The following SCAMP1 variants were observed in gnomAD, a reference collection of about 807,000 sequenced individuals.
SCAMP1 encodes secretory carrier membrane protein 1, also known as secretory carrier-associated membrane protein 1.
In SCAMP1, 15 loss-of-function variants were observed where a neutral mutation model predicts 41.8. The ratio of observed to expected loss-of-function variants is 0.36; its 90% CI spans 0.24 to 0.55. The LOEUF (loss-of-function observed/expected upper bound fraction) is 0.55. Ranked by LOEUF, SCAMP1 falls within the 20% of genes least tolerant of loss-of-function variation. The pLI is 0.86. For synonymous variants in SCAMP1, 135 were observed against 136.8 expected (o/e 0.99, Z 0.09); for missense variants, 341 against 412.6 (o/e 0.83, Z 1.50).
chr5:78,374,117 A>G (rs1360609496), intron 1 of SCAMP1, among the ~76,000 whole-genome samples: 1 of 152,138 alleles, frequency 6.6e-6, no homozygotes, highest in Non-Finnish European at 1.5e-5. Context: ...CAAGATAAAG[A>G]GAATTTTCTG....
At chr5:78,368,707 A>C (rs900034079) in intron 1 of SCAMP1, among the ~76,000 whole-genome samples, 1 of 152,174 alleles carries the variant, frequency 6.6e-6, no homozygotes, top group African/African-American at 2.4e-5. Flanking sequence ...ACTGGAATCA[A>C]GTTCTAGGAA....
At chr5:78,369,337 C>G (rs1255091877) in intron 1 of SCAMP1, among the ~76,000 whole-genome samples, 1 of 152,104 alleles carries the variant, frequency 6.6e-6, no homozygotes, top group Non-Finnish European at 1.5e-5. Context: ...CAACTCCTGA[C>G]CTCAGGTGAT....
intron 6 of SCAMP1, among the ~76,000 whole-genome samples, chr5:78,430,015 C>A (rs566681048): frequency 1.3e-5 from 2 of 149,526 alleles, no homozygotes; most frequent in African/African-American, 4.9e-5. Flanking sequence ...ATTTGGAGTT[C>A]TTTATTTATT....
At chr5:78,465,717 TG>T (rs1753728177) in intron 8 of SCAMP1, among the ~76,000 whole-genome samples, 3 of 152,348 alleles carry the variant, frequency 2.0e-5, no homozygotes, top group Admixed American at 1.3e-4. Flanking sequence ...TCAGTCAGCA[TG>T]CTATCAGAAA....
chr5:78,363,445 G>A (rs1420456012), intron 1 of SCAMP1, among the ~76,000 whole-genome samples: 1 of 152,080 alleles, frequency 6.6e-6, no homozygotes, highest in African/African-American at 2.4e-5. Flanking sequence ...TCCTGACCTC[G>A]TGATCTACCC....
chr5:78,460,617 T>A (rs1440882101), intron 8 of SCAMP1, among the ~76,000 whole-genome samples: 1 of 151,920 alleles, frequency 6.6e-6, no homozygotes, highest in Non-Finnish European at 1.5e-5. Flanking sequence ...TTGATTTGTT[T>A]AAGTCCTTTA....
At chr5:78,450,346 T>A (rs529521722) in intron 7 of SCAMP1, among the ~76,000 whole-genome samples, 4 of 152,162 alleles carry the variant, frequency 2.6e-5, no homozygotes, top group Admixed American at 6.5e-5. Flanking sequence ...CCAAGGAATG[T>A]GGAAGGGACA....
intron 1 of SCAMP1, among the ~76,000 whole-genome samples, chr5:78,371,010 G>C (rs898953053): frequency 9.7e-5 from 14 of 144,596 alleles, no homozygotes; most frequent in Non-Finnish European, 2.0e-4. Context: ...TTCTTAGATT[G>C]GGTTATTTGT....
At position 78,428,021 on chromosome 5, in the gene SCAMP1, A is replaced by C. The variant is rs561772542; in HGVS notation, c.632+6061A>C. Among the ~76,000 whole-genome samples the C allele has an allele frequency of 2.9e-3, 443 of 152,266 alleles. 1 individual carries two copies. Among genetic ancestry groups the C allele is most frequent in the Non-Finnish European group, 5.0e-3 (339 of 68,004 alleles). ...TGTGTGGCTTCTTAGTGGTGCCTTA[A>C]GAAGCACAAAAACATTCAATTTTAA... On this transcript the variant is annotated intron_variant, in intron 6 of 8. Transcript: ENST00000621999.
At chr5:78,415,694 A>G (rs1186896643) in intron 3 of SCAMP1, 76 bp downstream of exon 3, 1 of 892,052 alleles carries the variant, frequency 1.1e-6, no homozygotes, top group Admixed American at 2.4e-5. Flanking sequence ...AGCAAAATAA[A>G]TCTTTATATG....
At chr5:78,433,388 A>T (rs1041805316) in intron 6 of SCAMP1, among the ~76,000 whole-genome samples, 1 of 152,104 alleles carries the variant, frequency 6.6e-6, no homozygotes, top group Non-Finnish European at 1.5e-5. Context: ...GTGAGATGGG[A>T]TAGCAAATCC....
Position 78,415,565 on chromosome 5 carries a change from C to T in SCAMP1, c.181C>T (p.Pro61Ser). ...GATGCCTAATGTACCCAATACACAA[C>T]CAGCAATAATGAAACCAACAGAGGA... is the stretch of plus-strand genomic sequence containing the variant. ...VKMPNVPNTQ[P>S]AIMKPTEEHP... The change falls in exon 3 of 9, where the codon CCA becomes TCA. Residue 61 changes from proline (P) to serine (S), a missense_variant. Pro to Ser is a moderately conservative substitution (Grantham distance 74). Transcript: ENST00000621999. The T allele has an allele frequency of 6.2e-7, 1 of 1,608,346 alleles. No homozygotes were observed. Among genetic ancestry groups the T allele is most frequent in the Non-Finnish European group, 8.5e-7 (1 of 1,177,308 alleles).
intron 1 of SCAMP1, among the ~76,000 whole-genome samples, chr5:78,373,128 C>T (rs1279837124): frequency 6.6e-6 from 1 of 152,116 alleles, no homozygotes; most frequent in Non-Finnish European, 1.5e-5. Flanking sequence ...ATACAAACCT[C>T]TGCAAATTTC....
intron 2 of SCAMP1, among the ~76,000 whole-genome samples, chr5:78,391,065 C>T (rs1371914061): frequency 6.7e-6 from 1 of 150,194 alleles, no homozygotes; most frequent in Non-Finnish European, 1.5e-5. Context: ...TCTACACAGA[C>T]ATGGCAACCA....
At chr5:78,457,673 C>G (rs867802865) in intron 7 of SCAMP1, 7 of 154,050 alleles carry the variant, frequency 4.5e-5, no homozygotes, top group Non-Finnish European at 8.6e-5. Context: ...GTGGAGCCTT[C>G]AGAGGCAGGC....
Position 78,449,916 on chromosome 5 carries a change from CTTTTT to C in SCAMP1, c.633-10_633-6del. 9.2e-7 allele frequency: 1 copy of C among 1,089,556 alleles called. No individual in the cohort carries two copies. Among genetic ancestry groups the C allele is most frequent in the Non-Finnish European group, 1.2e-6 (1 of 806,984 alleles). 67.5% of individuals were successfully genotyped at this position (1,089,556 alleles called of 1,614,324 possible). A position where few individuals can be genotyped will look rare whatever the true frequency, so the allele number is the denominator to read the frequency against. On this transcript the variant is annotated splice_polypyrimidine_tract_variant and intron_variant, in intron 6 of 8. Transcript: ENST00000621999. ...CCCTAACCCCCTTTTTTCTTTCTTTCTTTTTTTTTTTCAAAGGAGTGACAGTTCAT... is the reference window on the plus strand; with the variant it reads ...CCCTAACCCCCTTTTTTCTTTCTTTCTTTTTTCAAAGGAGTGACAGTTCAT...
chr5:78,453,781 T>G (rs1175354334), intron 7 of SCAMP1, among the ~76,000 whole-genome samples: 1 of 152,204 alleles, frequency 6.6e-6, no homozygotes, highest in Non-Finnish European at 1.5e-5. Context: ...TTGGGCAGTA[T>G]GGCCATTTTC....
intron 6 of SCAMP1, among the ~76,000 whole-genome samples, chr5:78,439,984 A>G (rs1236626806): frequency 6.6e-6 from 1 of 151,972 alleles, no homozygotes; most frequent in Non-Finnish European, 1.5e-5. Context: ...CCTTTCTTCC[A>G]CTTGATCGAA....
At chr5:78,475,136 G>T (rs909549645) in intron 8 of SCAMP1, among the ~76,000 whole-genome samples, 1 of 152,098 alleles carries the variant, frequency 6.6e-6, no homozygotes, top group East Asian at 1.9e-4. Flanking sequence ...ATAGTCTGGG[G>T]TAATAAATTA....
Sources: gnomAD v4.1 joint callset for allele counts (sites outside exome capture counted in the v4.1 genomes callset) on GRCh38, gnomAD v4.1.1 for gene constraint, MANE v1.5 for transcripts, NCBI Gene and HGNC (gene_info 2026-07-23, HGNC 2026-07-21) for gene names.